The following IGF1R variants were observed in gnomAD, a reference collection of about 807,000 sequenced individuals.
IGF1R encodes insulin like growth factor 1 receptor.
In IGF1R, 44 loss-of-function variants were observed where a neutral mutation model predicts 144.6. The observed-to-expected ratio is 0.30, with a 90% CI of 0.24 to 0.39. The LOEUF (loss-of-function observed/expected upper bound fraction) is 0.39. Among genes scored for constraint, IGF1R ranks in the 10% least tolerant of loss-of-function variants. The pLI is 1.00. For synonymous variants in IGF1R, 795 were observed against 722.8 expected, an observed-to-expected ratio of 1.10 and a Z score of -1.60; for missense variants, 1,355 against 1,833.7, an observed-to-expected ratio of 0.74 and a Z score of 4.77.
intron 2 of IGF1R, among the ~76,000 whole-genome samples, chr15:98,875,216 C>CA (rs11302100): frequency 1.3e-5 from 2 of 149,992 alleles, no homozygotes; most frequent in Middle Eastern, 3.4e-3. Context: ...TGAAGAAGGC[C>CA]AAAAAAAAAA....
At chr15:98,945,254 G>A (rs2016508983) in intron 19 of IGF1R, among the ~76,000 whole-genome samples, 2 of 152,226 alleles carry the variant, frequency 1.3e-5, no homozygotes, top group Non-Finnish European at 2.9e-5. Context: ...AAATAGCCAA[G>A]GTTATTTGCT....
intron 2 of IGF1R, among the ~76,000 whole-genome samples, chr15:98,732,912 G>A (rs2054525788): frequency 6.6e-6 from 1 of 152,114 alleles, no homozygotes; most frequent in Admixed American, 6.5e-5. Context: ...TGGGAAGGGG[G>A]CCACCCCTTT....
chr15:98,949,402 G>A (rs1026281495), intron 20 of IGF1R, among the ~76,000 whole-genome samples: 6 of 132,196 alleles, frequency 4.5e-5, no homozygotes, highest in African/African-American at 1.8e-4. Flanking sequence ...TTTTTGAGAT[G>A]GAGTCTCGCT....
chr15:98,747,448 G>A (rs532862995), intron 2 of IGF1R, among the ~76,000 whole-genome samples: 28 of 152,172 alleles, frequency 1.8e-4, no homozygotes, highest in Non-Finnish European at 3.2e-4. Context: ...CGCCCGCCTC[G>A]GCCTCCCAAA....
intron 2 of IGF1R, among the ~76,000 whole-genome samples, chr15:98,734,173 G>T (rs1362324845): frequency 6.6e-6 from 1 of 152,138 alleles, no homozygotes; most frequent in Non-Finnish European, 1.5e-5. Flanking sequence ...TCCAACAGTG[G>T]TGTCACTTAA....
At chr15:98,923,182 T>G (rs1026271010) in intron 11 of IGF1R, among the ~76,000 whole-genome samples, 1 of 152,222 alleles carries the variant, frequency 6.6e-6, no homozygotes, top group Non-Finnish European at 1.5e-5. Flanking sequence ...GCTGTAACTT[T>G]CCATGACCTT....
At chr15:98,766,729 A>G (rs557492752) in intron 2 of IGF1R, among the ~76,000 whole-genome samples, 2 of 152,320 alleles carry the variant, frequency 1.3e-5, no homozygotes, top group East Asian at 3.9e-4. Flanking sequence ...GTGGGACGCA[A>G]GCGTGTTGAT....
intron 5 of IGF1R, among the ~76,000 whole-genome samples, chr15:98,903,113 T>C (rs959064296): frequency 2.0e-5 from 3 of 152,252 alleles, no homozygotes; most frequent in African/African-American, 7.2e-5. Context: ...CTCTGCTGTT[T>C]ACAAAGGAAA....
chr15:98,820,651 A>C (rs943042335), intron 2 of IGF1R, among the ~76,000 whole-genome samples: 1 of 152,254 alleles, frequency 6.6e-6, no homozygotes, highest in African/African-American at 2.4e-5. Context: ...TATAAGGCCT[A>C]GGTGTCAATT....
chr15:98,812,376 A>G (rs2056610467), intron 2 of IGF1R, among the ~76,000 whole-genome samples: 1 of 150,370 alleles, frequency 6.7e-6, no homozygotes, highest in African/African-American at 2.4e-5. Context: ...TTTTTTTTCA[A>G]GGCAGAGTCT....
chr15:98,651,199 C>A, intron 1 of IGF1R: 1 of 274,136 alleles, frequency 3.6e-6, no homozygotes, highest in Non-Finnish European at 5.6e-6. Flanking sequence ...ATGGCCCCAT[C>A]ACCGGGGCAA....
chr15:98,764,865 C>G (rs7175387), intron 2 of IGF1R, among the ~76,000 whole-genome samples: 1 of 151,802 alleles, frequency 6.6e-6, no homozygotes, highest in African/African-American at 2.4e-5. Flanking sequence ...TCAGTGACAT[C>G]TAGTATATTC....
intron 20 of IGF1R, 42 bp from the exon 21 acceptor site, chr15:98,957,019 G>A (rs373334964): frequency 1.1e-4 from 176 of 1,612,534 alleles, no homozygotes; most frequent in Admixed American, 2.8e-4. Flanking sequence ...GGCCATGTGC[G>A]CCCTCCCGGT....
intron 12 of IGF1R, among the ~76,000 whole-genome samples, chr15:98,924,223 A>G (rs1462631789): frequency 2.0e-5 from 3 of 152,250 alleles, no homozygotes; most frequent in African/African-American, 7.2e-5. Flanking sequence ...TTTTGCCCTC[A>G]AGAAACGATT....
Position 98,648,702 on chromosome 15 carries a change from T to C in IGF1R, c.-880T>C, listed in dbSNP as rs1474352968. Among the ~76,000 whole-genome samples, 1 of 146,590 alleles carries C rather than the reference T, an allele frequency of 6.8e-6. No homozygotes were observed. Among genetic ancestry groups the C allele is most frequent in the African/African-American group, 2.5e-5 (1 of 40,584 alleles). ...GCGAGAGGGACGCCGCCAGCGAGCC[T>C]GCCCACGGCCGGCGCTCGCAGACCC... is the stretch of plus-strand genomic sequence containing the variant. On this transcript the variant is annotated 5_prime_UTR_variant, in exon 1 of 21. Transcript: ENST00000650285.
At chr15:98,720,942 A>G (rs2054232224) in intron 2 of IGF1R, among the ~76,000 whole-genome samples, 1 of 152,152 alleles carries the variant, frequency 6.6e-6, no homozygotes, top group South Asian at 2.1e-4. Context: ...GTCTTCTTCT[A>G]TGATGCTGCT....
At chr15:98,910,632 G>A (rs1444552747) in intron 6 of IGF1R, among the ~76,000 whole-genome samples, 1 of 152,202 alleles carries the variant, frequency 6.6e-6, no homozygotes, top group African/African-American at 2.4e-5. Flanking sequence ...GAATAAGAGA[G>A]ACACTTGGCA....
At chr15:98,756,296 A>G (rs2055154571) in intron 2 of IGF1R, among the ~76,000 whole-genome samples, 1 of 150,340 alleles carries the variant, frequency 6.7e-6, no homozygotes, top group Admixed American at 6.6e-5. Flanking sequence ...GGAAAACTTC[A>G]TAGGCATCCC....
chr15:98,887,716 T>C (rs1209727949), intron 2 of IGF1R, among the ~76,000 whole-genome samples: 2 of 152,146 alleles, frequency 1.3e-5, no homozygotes, highest in African/African-American at 4.8e-5. Flanking sequence ...CTGTAACCAG[T>C]TTTACTGAAC....
Sources: allele counts gnomAD v4.1 joint callset (sites outside exome capture counted in the v4.1 genomes callset), GRCh38; gene constraint gnomAD v4.1.1; transcripts MANE v1.5; gene names NCBI Gene and HGNC (gene_info 2026-07-23, HGNC 2026-07-21).